CLRN1: variants seen among roughly 807,000 people sequenced by gnomAD.
The protein encoded by CLRN1 is clarin-1.
A neutral mutation model predicts 18.7 loss-of-function variants in CLRN1; 15 were observed. The ratio of observed to expected loss-of-function variants is 0.80; its 90% CI spans 0.54 to 1.23. The LOEUF (loss-of-function observed/expected upper bound fraction) is 1.23. Ranked by LOEUF, CLRN1 falls within the 50% of genes most tolerant of loss-of-function variation. The probability of loss-of-function intolerance (pLI) is 0.00; values close to 1 mark genes in which losing one functional copy is unlikely to be tolerated. For synonymous variants in CLRN1, 104 were observed against 102.9 expected (o/e 1.01, Z -0.07); for missense variants, 311 against 277.5 (o/e 1.12, Z -0.86).
At chr3:150,935,341 G>A (rs113175370) in intron 2 of CLRN1, among the ~76,000 whole-genome samples, 23 of 132,758 alleles carry the variant, frequency 1.7e-4, no homozygotes, top group Non-Finnish European at 3.1e-4. Context: ...TCCCCTTCCC[G>A]TGTCCATGTG....
At chr3:150,930,094 A>G (rs374097972) in intron 2 of CLRN1, among the ~76,000 whole-genome samples, 19 of 152,336 alleles carry the variant, frequency 1.2e-4, no homozygotes, top group African/African-American at 3.4e-4. Context: ...ATAATTTGGC[A>G]GAGGACATAA....
At chr3:150,941,494 T>C in intron 2 of CLRN1, 88 bp downstream of exon 2, 1 of 1,340,764 alleles carries the variant, frequency 7.5e-7, no homozygotes, top group Middle Eastern at 1.9e-4. Context: ...TGTATATATG[T>C]TAAGATTATA....
In CLRN1 at chr3:150,941,709, A is replaced by G. The variant is rs1553772617; in HGVS notation, c.306T>C (p.Ile102=). The change falls in exon 2 of 3, where the codon ATT becomes ATC. Residue 102 remains isoleucine (I), a synonymous_variant. Transcript: ENST00000327047. Reference sequence around the variant, plus strand: ...ACACAATAAGGATGGCAGAGAAGAGAATGACATTGACGTGGATGCTCACTG... The same window carrying G: ...ACACAATAAGGATGGCAGAGAAGAGGATGACATTGACGTGGATGCTCACTG... ...AIPVSIHVNV[I]LFSAILIVLT... is the part of the protein sequence containing the mutation. 1.2e-6 allele frequency: 2 copies of G among 1,614,102 alleles called. No homozygotes were observed. The highest frequency in any genetic ancestry group is 1.7e-6 in the Non-Finnish European group (2 of 1,179,944).
chr3:150,929,132 T>G (rs185642023), intron 2 of CLRN1, among the ~76,000 whole-genome samples: 316 of 152,370 alleles, frequency 2.1e-3, no homozygotes, highest in Middle Eastern at 3.4e-3. Context: ...ACATTTGTTT[T>G]GTTTAGTACA....
chr3:150,943,288 T>A (rs1396344527), intron 1 of CLRN1, among the ~76,000 whole-genome samples: 1 of 152,118 alleles, frequency 6.6e-6, no homozygotes, highest in Admixed American at 6.5e-5. Context: ...CTTTCCCAAT[T>A]GGTTCTTTAT....
chr3:150,972,813 C>T (rs1385555688), upstream of CLRN1: 2 of 1,524,570 alleles, frequency 1.3e-6, no homozygotes, highest in African/African-American at 1.4e-5. Flanking sequence ...GCTGAACGGA[C>T]AGCTCCCAGC....
At chr3:150,964,566 A>G (rs947863561) in intron 1 of CLRN1, among the ~76,000 whole-genome samples, 7 of 152,174 alleles carry the variant, frequency 4.6e-5, no homozygotes, top group African/African-American at 7.2e-5. Flanking sequence ...TCTATACCCA[A>G]AGGATTATAA....
At position 150,967,156 on chromosome 3, in the gene CLRN1, T is replaced by C. The variant is rs75670534; in HGVS notation, c.253+5300A>G. The stretch of plus-strand genomic sequence containing the variant: ...GCCATGCACTGTCTGAGGCCCTGGT[T>C]TGAAGGAGCACTGGGATGAATAATA... On this transcript the variant is annotated intron_variant, in intron 1 of 2. Transcript: ENST00000327047. Among the ~76,000 whole-genome samples the C allele has an allele frequency of 3.8e-3, 581 of 152,306 alleles. 34 individuals carry two copies. In the East Asian group the frequency reaches 0.1, roughly 27 times the overall value.
chr3:150,926,461 G>C (rs1014360791), downstream of CLRN1: 3 of 363,546 alleles, frequency 8.3e-6, no homozygotes, highest in Admixed American at 3.8e-5. Context: ...TTACAGAACC[G>C]GGCTCTAGCC....
chr3:150,945,515 A>G (rs1429994568), intron 1 of CLRN1: 7 of 1,286,806 alleles, frequency 5.4e-6, no homozygotes, highest in Admixed American at 2.3e-5. Context: ...TTAACTAACT[A>G]CATATGTACA....
chr3:150,964,198 G>T (rs1236155336), intron 1 of CLRN1, among the ~76,000 whole-genome samples: 1 of 152,060 alleles, frequency 6.6e-6, no homozygotes, highest in East Asian at 1.9e-4. Flanking sequence ...AATCTACAAG[G>T]AAGTTAAACA....
intron 2 of CLRN1, among the ~76,000 whole-genome samples, chr3:150,937,552 CAAAG>C (rs1414040391): frequency 1.3e-5 from 2 of 152,084 alleles, no homozygotes; most frequent in African/African-American, 4.8e-5. Context: ...AATGTACAGT[CAAAG>C]AAGCGAATCA....
chr3:150,927,943 A>G lies in CLRN1; in HGVS notation c.692T>C (p.Met231Thr), dbSNP rs1408233324. 1.2e-6 allele frequency: 2 copies of G among 1,614,204 alleles called. No individual in the cohort carries two copies. The highest frequency in any genetic ancestry group is 1.3e-5 in the African/African-American group (1 of 75,070). The change falls in exon 3 of 3, where the codon ATG (methionine) becomes ACG (threonine). Residue 231 changes from methionine (M) to threonine (T), a missense_variant. Met to Thr is a moderately conservative substitution (Grantham distance 81). Transcript: ENST00000327047. ...AETTNVAADL[M>T]Y ...TATAGAAAGGTTTGCCTTTCAGTAC[A>G]TTAGATCTGCAGCTACATTAGTTGT...
rs1559984804 is a variant in CLRN1 at position 150,945,705 on chromosome 3, T to C, written c.254-3944A>G. On this transcript the variant is annotated intron_variant, in intron 1 of 2. Transcript: ENST00000327047. ...CTTCTCACAATCAGAAAAATGCACA[T>C]TAAAACTTTGAGATACCATTTTCAA... The C allele has an allele frequency of 2.5e-6, 3 of 1,199,478 alleles. No individual in the cohort carries two copies. The African/African-American group carries it at 4.7e-5, about 19-fold the overall frequency. 74.3% of individuals were successfully genotyped at this position (1,199,478 alleles called of 1,614,324 possible).
At position 150,972,479 on chromosome 3, in the gene CLRN1, C is replaced by G; in HGVS notation, c.230G>C (p.Gly77Ala). The G allele has an allele frequency of 6.2e-7, 1 of 1,614,164 alleles. No individual in the cohort carries two copies. The highest frequency in any genetic ancestry group is 8.5e-7 in the Non-Finnish European group (1 of 1,180,034). Residue 77 changes from glycine (G) to alanine (A), a missense_variant, in exon 1 of 3, where the codon GGA becomes GCA. Physicochemically the swap from Gly to Ala is moderately conservative, Grantham distance 60. Coordinates refer to ENST00000327047, the MANE Select transcript of CLRN1 (RefSeq NM_174878.3). ...HGEGVRQCGLGARPFRFSFFP... is the reference protein window; with the variant it reads ...HGEGVRQCGLAARPFRFSFFP... ...ACATGAGAACCGAAAGGGCCTTGCT[C>G]CCAACCCACACTGCCTCACACCCTC...
At chr3:150,929,647 C>T (rs976612429) in intron 2 of CLRN1, among the ~76,000 whole-genome samples, 3 of 152,200 alleles carry the variant, frequency 2.0e-5, no homozygotes, top group Non-Finnish European at 4.4e-5. Flanking sequence ...TAATTGGTAG[C>T]TATTCATATG....
intron 2 of CLRN1, among the ~76,000 whole-genome samples, chr3:150,936,743 A>G (rs1207732221): frequency 6.6e-6 from 1 of 152,182 alleles, no homozygotes; most frequent in Non-Finnish European, 1.5e-5. Flanking sequence ...TTTAGGGTCC[A>G]ACATTAACTG....
intron 1 of CLRN1, among the ~76,000 whole-genome samples, chr3:150,963,475 A>T (rs939797343): frequency 1.3e-5 from 2 of 152,220 alleles, no homozygotes; most frequent in South Asian, 4.1e-4. Flanking sequence ...ATATCATGAA[A>T]ATGGCCATAC....
intron 1 of CLRN1, among the ~76,000 whole-genome samples, chr3:150,948,483 CAAAAAAAAAAA>C (rs55846714): frequency 2.8e-4 from 15 of 54,390 alleles, no homozygotes; most frequent in South Asian, 9.3e-4. Flanking sequence ...GACTCCGTCT[CAAAAAAAAAAA>C]AAAAAAAAAA....
Sources: gnomAD v4.1 joint callset for allele counts (sites outside exome capture counted in the v4.1 genomes callset) on GRCh38, gnomAD v4.1.1 for gene constraint, MANE v1.5 for transcripts, NCBI Gene and HGNC (gene_info 2026-07-23, HGNC 2026-07-21) for gene names.